Variants in DOCK1 observed in about 807,000 individuals in gnomAD.
DOCK1 encodes dedicator of cytokinesis 1.
DOCK1 carries 138 observed loss-of-function variants against 262.7 expected under a neutral mutation model. The observed-to-expected ratio is 0.53, with a 90% confidence interval of 0.46 to 0.61. The LOEUF (loss-of-function observed/expected upper bound fraction) is 0.61. Ranked by LOEUF, DOCK1 falls within the 20% of genes least tolerant of loss-of-function variation. The pLI, the probability that DOCK1 is intolerant of heterozygous loss-of-function variation, is 0.00. For missense variants in DOCK1, 1,908 were observed against 2,370.7 expected (o/e 0.80, Z 4.05); for synonymous variants, 866 against 867.4 (o/e 1.00, Z 0.03).
At chr10:127,024,833 C>T (rs538694228) in intron 15 of DOCK1, 50 bp downstream of exon 15, 1 of 1,460,790 alleles carries the variant, frequency 6.8e-7, no homozygotes, top group South Asian at 1.3e-5. Flanking sequence ...ATGAAATGCT[C>T]ATTTGTAACC....
chr10:127,136,080 A>C (rs1236308380), intron 27 of DOCK1: 2 of 152,494 alleles, frequency 1.3e-5, no homozygotes, highest in Non-Finnish European at 2.9e-5. Flanking sequence ...CGAACTTCAT[A>C]TAGTGTTTCC....
intron 1 of DOCK1, among the ~76,000 whole-genome samples, chr10:126,960,947 A>G (rs1193629748): frequency 2.0e-5 from 3 of 151,794 alleles, no homozygotes. Context: ...CCGAAGAAAG[A>G]TATTAAAATG....
rs1017176832 is a variant in DOCK1, at chr10:126,944,395, G to C, written c.47-26307G>C. 6.7e-3 allele frequency among the ~76,000 whole-genome samples: 1,026 copies of C among 152,226 alleles called. 6 individuals carry two copies. The highest frequency in any genetic ancestry group is 0.038 in the Middle Eastern group (11 of 292). On this transcript the variant is annotated intron_variant, in intron 1 of 51. Coordinates refer to ENST00000623213, the MANE Select transcript of DOCK1 (RefSeq NM_001290223.2). ...GCACGCAGAGCCATGTGTGGTCTCTGAACCTTGCAAGCGGACCTGCCGAGG... is the reference window on the plus strand; with the variant it reads ...GCACGCAGAGCCATGTGTGGTCTCTCAACCTTGCAAGCGGACCTGCCGAGG...
At chr10:126,945,120 A>G (rs986934176) in intron 1 of DOCK1, among the ~76,000 whole-genome samples, 15 of 152,114 alleles carry the variant, frequency 9.9e-5, no homozygotes, top group Non-Finnish European at 1.9e-4. Flanking sequence ...TACAGGTGTG[A>G]GCCACCGTGC....
chr10:127,011,737 C>A (rs2041466547), intron 11 of DOCK1, among the ~76,000 whole-genome samples: 1 of 151,988 alleles, frequency 6.6e-6, no homozygotes, highest in Non-Finnish European at 1.5e-5. Flanking sequence ...TGTACGTAGT[C>A]CAGGAGGGTA....
chr10:126,997,410 A>G (rs2040281981), intron 7 of DOCK1, among the ~76,000 whole-genome samples: 4 of 152,126 alleles, frequency 2.6e-5, no homozygotes, highest in Middle Eastern at 6.8e-3. Flanking sequence ...GCTTCTGGGG[A>G]GGCCTCAGGA....
At chr10:127,186,453 C>T (rs779309734) in intron 27 of DOCK1, among the ~76,000 whole-genome samples, 1 of 144,292 alleles carries the variant, frequency 6.9e-6, no homozygotes, top group African/African-American at 2.5e-5. Flanking sequence ...GATAGACAAC[C>T]ATCAGATCTC....
intron 10 of DOCK1, 172 bp downstream of exon 10, chr10:127,000,479 C>G: frequency 1.0e-6 from 1 of 1,000,932 alleles, no homozygotes; most frequent in Non-Finnish European, 1.4e-6. Flanking sequence ...AGTTGACCTG[C>G]TAGGCTCAGG....
chr10:127,312,615 G>T (rs1323378703), intron 29 of DOCK1, among the ~76,000 whole-genome samples: 1 of 152,176 alleles, frequency 6.6e-6, no homozygotes, highest in African/African-American at 2.4e-5. Flanking sequence ...TTGAGGACTA[G>T]CCCCTGCCAA....
chr10:127,028,363 C>T (rs560917080), intron 16 of DOCK1, among the ~76,000 whole-genome samples: 6 of 152,182 alleles, frequency 3.9e-5, no homozygotes, highest in Admixed American at 6.5e-5. Flanking sequence ...TGTTGGCCAT[C>T]GTTCACTATG....
intron 5 of DOCK1, among the ~76,000 whole-genome samples, chr10:126,989,895 T>G (rs2039671696): frequency 1.3e-5 from 2 of 152,140 alleles, no homozygotes. Flanking sequence ...CTTGCAGAAG[T>G]GTCTCTTGTG....
At chr10:126,911,520 C>T (rs1204284358) in intron 1 of DOCK1, among the ~76,000 whole-genome samples, 1 of 152,136 alleles carries the variant, frequency 6.6e-6, no homozygotes, top group Non-Finnish European at 1.5e-5. Flanking sequence ...TGTCAAGATG[C>T]GGTTGTCAAG....
intron 30 of DOCK1, among the ~76,000 whole-genome samples, chr10:127,341,677 T>C (rs1438839653): frequency 1.3e-5 from 2 of 152,194 alleles, no homozygotes; most frequent in Admixed American, 6.5e-5. Context: ...TTTCTCAACA[T>C]GTTGGTTCTC....
At chr10:127,387,657 C>T (rs1287975032) in intron 38 of DOCK1, among the ~76,000 whole-genome samples, 4 of 152,180 alleles carry the variant, frequency 2.6e-5, no homozygotes, top group East Asian at 1.9e-4. Flanking sequence ...TAGAACCTCA[C>T]GCGTCAATTC....
intron 1 of DOCK1, among the ~76,000 whole-genome samples, chr10:126,959,201 T>A (rs1320748421): frequency 1.3e-5 from 2 of 152,118 alleles, no homozygotes; most frequent in Admixed American, 6.5e-5. Context: ...TTAGAGACAA[T>A]AGGTGACAAA....
intron 23 of DOCK1, among the ~76,000 whole-genome samples, chr10:127,093,496 A>G (rs1183975875): frequency 2.0e-5 from 3 of 150,722 alleles, no homozygotes; most frequent in Admixed American, 2.0e-4. Context: ...GGGATCACAG[A>G]CGCGTGCCAT....
chr10:127,056,876 C>T (rs1464688416), intron 22 of DOCK1, among the ~76,000 whole-genome samples: 1 of 152,110 alleles, frequency 6.6e-6, no homozygotes, highest in African/African-American at 2.4e-5. Context: ...GAAGATATTT[C>T]ATAGATTTTA....
chr10:127,307,748 C>T (rs1046941951), intron 29 of DOCK1, among the ~76,000 whole-genome samples: 8 of 152,226 alleles, frequency 5.3e-5, no homozygotes, highest in African/African-American at 1.4e-4. Flanking sequence ...CTGGTGTGAA[C>T]GCCACCATCT....
In DOCK1 at chr10:127,253,874, C is replaced by CAAAAAAA. The variant is rs575042004; in HGVS notation, c.2950-3448_2950-3442dup. 4.8e-3 allele frequency among the ~76,000 whole-genome samples: 481 copies of CAAAAAAA among 100,842 alleles called. 8 individuals are homozygous for CAAAAAAA. The highest frequency in any genetic ancestry group is 8.4e-3 in the East Asian group (29 of 3,442). 66.2% of individuals were successfully genotyped at this position (100,842 alleles called of 152,430 possible). On this transcript the variant is annotated intron_variant, in intron 28 of 51. Transcript: ENST00000623213. ...TGGGTGATAGCATGAGACCCTGTCT[C>CAAAAAAA]AAAAAAAAAAAAAAAAAAAGGAAAC...
Sources: gnomAD v4.1 joint callset for allele counts (sites outside exome capture counted in the v4.1 genomes callset) on GRCh38, gnomAD v4.1.1 for gene constraint, MANE v1.5 for transcripts, NCBI Gene and HGNC (gene_info 2026-07-23, HGNC 2026-07-21) for gene names.